Variants in RABEP1 observed in about 807,000 individuals in gnomAD.
RABEP1 encodes the protein rab GTPase-binding effector protein 1.
In RABEP1, 51 loss-of-function variants were observed where a neutral mutation model predicts 123.4. That is an observed-to-expected ratio of 0.41 (90% confidence interval 0.33 to 0.52). RABEP1 has a LOEUF of 0.52. Ranked by LOEUF, RABEP1 falls within the 20% of genes least tolerant of loss-of-function variation. The pLI is 0.16. For missense variants in RABEP1, 888 were observed against 996.3 expected (o/e 0.89, Z 1.46); for synonymous variants, 347 against 355.2 (o/e 0.98, Z 0.26).
At chr17:5,325,173 A>G (rs1288071265) in intron 2 of RABEP1, among the ~76,000 whole-genome samples, 4 of 151,978 alleles carry the variant, frequency 2.6e-5, no homozygotes, top group Admixed American at 2.6e-4. Flanking sequence ...ACAAACCAAA[A>G]AAAAACCCAA....
intron 8 of RABEP1, among the ~76,000 whole-genome samples, chr17:5,359,066 G>A (rs978377651): frequency 6.7e-6 from 1 of 148,548 alleles, no homozygotes; most frequent in Non-Finnish European, 1.5e-5. Flanking sequence ...CAGGCCTGTA[G>A]TCTGATGTTT....
At chr17:5,359,321 G>A (rs565817213) in intron 8 of RABEP1, among the ~76,000 whole-genome samples, 1 of 151,944 alleles carries the variant, frequency 6.6e-6, no homozygotes, top group Non-Finnish European at 1.5e-5. Flanking sequence ...TGATCTGCCC[G>A]CCTCGGCCTC....
intron 11 of RABEP1, 116 bp downstream of exon 11, chr17:5,365,354 C>A: frequency 1.6e-6 from 1 of 622,742 alleles, no homozygotes; most frequent in African/African-American, 1.9e-5. Context: ...GTTTTATTTT[C>A]CCTCAGGTAA....
chr17:5,323,814 CTAGGAATATATATATATA>C (rs1905671365), intron 2 of RABEP1, among the ~76,000 whole-genome samples: 1 of 77,804 alleles, frequency 1.3e-5, no homozygotes, highest in Non-Finnish European at 2.3e-5. Context: ...ATATATATAT[CTAGGAATATATATATATA>C]TCTAGGAATA....
chr17:5,344,771 C>CAAAAAAAAAAA (rs1177790100), intron 5 of RABEP1, among the ~76,000 whole-genome samples: 1 of 46,936 alleles, frequency 2.1e-5, no homozygotes, highest in Non-Finnish European at 3.7e-5. Context: ...GACACTGTCT[C>CAAAAAAAAAAA]AAAAAAAAAA....
intron 3 of RABEP1, among the ~76,000 whole-genome samples, chr17:5,334,867 T>C (rs999588950): frequency 7.9e-5 from 12 of 152,138 alleles, no homozygotes; most frequent in Non-Finnish European, 5.9e-5. Context: ...GATTTTGGAG[T>C]TGGCCTTAAG....
chr17:5,315,344 GTTC>G (rs2075285395), intron 2 of RABEP1, among the ~76,000 whole-genome samples: 1 of 152,178 alleles, frequency 6.6e-6, no homozygotes, highest in Non-Finnish European at 1.5e-5. Context: ...CCAGTACTGA[GTTC>G]TTCCTCCTAG....
At chr17:5,358,316 A>C (rs182966645) in intron 8 of RABEP1, among the ~76,000 whole-genome samples, 6 of 152,300 alleles carry the variant, frequency 3.9e-5, no homozygotes, top group Admixed American at 6.5e-5. Flanking sequence ...TCCTTGTACA[A>C]AAATCATTAT....
intron 2 of RABEP1, among the ~76,000 whole-genome samples, chr17:5,328,340 T>A (rs1439007391): frequency 6.6e-6 from 1 of 152,166 alleles, no homozygotes; most frequent in African/African-American, 2.4e-5. Flanking sequence ...AAGTAGTTTA[T>A]AATGCTTTAT....
intron 1 of RABEP1, among the ~76,000 whole-genome samples, chr17:5,298,403 G>C (rs1445205360): frequency 6.6e-6 from 1 of 152,144 alleles, no homozygotes; most frequent in Non-Finnish European, 1.5e-5. Flanking sequence ...TCTTGTAAAT[G>C]ATAGAAATCT....
intron 8 of RABEP1, among the ~76,000 whole-genome samples, chr17:5,357,591 G>A (rs933870350): frequency 5.9e-5 from 9 of 151,936 alleles, no homozygotes; most frequent in African/African-American, 2.2e-4. Context: ...GGCTGGTCTC[G>A]AACTCCTGGC....
chr17:5,320,447 AAAAG>A (rs369172125), intron 2 of RABEP1, among the ~76,000 whole-genome samples: 2,334 of 150,094 alleles, frequency 0.016, 81 homozygotes, highest in African/African-American at 0.051. Context: ...AAAAAAAAGA[AAAAG>A]AAACACACTG....
chr17:5,382,859 A>G (rs1911596313), intron 17 of RABEP1, among the ~76,000 whole-genome samples: 2 of 151,614 alleles, frequency 1.3e-5, no homozygotes, highest in African/African-American at 4.9e-5. Context: ...GGTGGAGACT[A>G]CAGTGAGCCG....
At chr17:5,323,823 TATATATATATCTAGGA>T (rs1217428059) in intron 2 of RABEP1, among the ~76,000 whole-genome samples, 1,418 of 128,674 alleles carry the variant, frequency 0.011, 99 homozygotes, top group African/African-American at 0.02. Flanking sequence ...TCTAGGAATA[TATATATATATCTAGGA>T]ATATATATAT....
intron 12 of RABEP1, 110 bp from the exon 13 acceptor site, chr17:5,373,204 C>T (rs927201729): frequency 1.1e-5 from 11 of 974,894 alleles, no homozygotes; most frequent in Non-Finnish European, 1.6e-5. Context: ...CTTCACCATA[C>T]CCCGTCCATC....
chr17:5,297,837 T>G (rs775036369), intron 1 of RABEP1, among the ~76,000 whole-genome samples: 15 of 152,244 alleles, frequency 9.9e-5, no homozygotes, highest in Non-Finnish European at 1.2e-4. Context: ...TCAGCTGTTA[T>G]GCTCTATGGC....
At chr17:5,363,202 CT>C (rs560141702) in intron 10 of RABEP1, among the ~76,000 whole-genome samples, 186 bp downstream of exon 10, 276 of 135,378 alleles carry the variant, frequency 2.0e-3, no homozygotes, top group Middle Eastern at 3.7e-3. Flanking sequence ...TAGGACTCTG[CT>C]TTTTTTTTTT....
rs775717311 is a variant in RABEP1 at position 5,365,109 on chromosome 17, T to C, written c.1669-13T>C. On this transcript the variant is annotated splice_polypyrimidine_tract_variant and intron_variant, in intron 10 of 17. Transcript: ENST00000537505. Reference sequence around the variant, plus strand: ...GATTCTGGTTTTTCTAATTGACTTTTAAAATGATACAGGTGAAAAAACTAC... The same window carrying C: ...GATTCTGGTTTTTCTAATTGACTTTCAAAATGATACAGGTGAAAAAACTAC... The C allele has an allele frequency of 3.9e-6, 6 of 1,545,428 alleles. No individual in the cohort carries two copies. The highest frequency in any genetic ancestry group is 5.2e-6 in the Non-Finnish European group (6 of 1,144,238).
chr17:5,328,875 TG>T (rs1473672601), intron 2 of RABEP1, among the ~76,000 whole-genome samples: 2 of 148,020 alleles, frequency 1.4e-5, no homozygotes, highest in African/African-American at 5.0e-5. Context: ...CACTTGAACC[TG>T]GGCGGCAGAG....
Sources: allele counts gnomAD v4.1 joint callset (sites outside exome capture counted in the v4.1 genomes callset), GRCh38; gene constraint gnomAD v4.1.1; transcripts MANE v1.5; gene names NCBI Gene and HGNC (gene_info 2026-07-23, HGNC 2026-07-21).